The following MFHAS1 variants were observed in gnomAD, a reference collection of about 807,000 sequenced individuals.
MFHAS1 encodes malignant fibrous histiocytoma-amplified sequence 1.
MFHAS1 carries 50 observed loss-of-function variants against 70.4 expected under a neutral mutation model. The observed-to-expected ratio is 0.71, with a 90% CI of 0.57 to 0.90. MFHAS1 has a LOEUF of 0.90. MFHAS1 is among the 40% of genes least tolerant of loss of function. The pLI, the probability that MFHAS1 is intolerant of heterozygous loss-of-function variation, is 0.00. For missense variants in MFHAS1, 1,795 were observed against 1,347.6 expected (o/e 1.33, Z -5.20); for synonymous variants, 952 against 620.0 (o/e 1.54, Z -7.96).
intron 2 of MFHAS1, among the ~76,000 whole-genome samples, chr8:8,787,121 C>T (rs111814466): frequency 0.096 from 14,481 of 150,174 alleles, 1,847 homozygotes; most frequent in African/African-American, 0.29. Context: ...CGCTCTGTTG[C>T]CCAGGCTGGA....
Position 8,877,788 on chromosome 8 carries a change from T to A in MFHAS1, c.2998+12273A>T, listed in dbSNP as rs886644165. ...CCAGCCCAATGACAAAGGGACAGGC[T>A]AGAACAATGCTTTTAAAACTCTAGT... On this transcript the variant is annotated intron_variant, in intron 1 of 2. Transcript: ENST00000276282. Among the ~76,000 whole-genome samples the A allele has an allele frequency of 3.9e-5, 6 of 152,332 alleles. No homozygotes were observed. In the East Asian group the frequency reaches 1.2e-3, roughly 29 times the overall value.
At chr8:8,867,847 G>A (rs551141489) in intron 1 of MFHAS1, among the ~76,000 whole-genome samples, 3 of 152,186 alleles carry the variant, frequency 2.0e-5, no homozygotes, top group African/African-American at 2.4e-5. Context: ...GTGAGCCACC[G>A]TGCCTGGCCA....
At chr8:8,884,891 T>G (rs984867524) in intron 1 of MFHAS1, among the ~76,000 whole-genome samples, 1 of 152,100 alleles carries the variant, frequency 6.6e-6, no homozygotes, top group African/African-American at 2.4e-5. Flanking sequence ...AGGTCGAGGC[T>G]GCAGTAAGCC....
At position 8,892,188 on chromosome 8, in the gene MFHAS1, C is replaced by T. The variant is rs1810085291; in HGVS notation, c.871G>A (p.Ala291Thr). The change falls in exon 1 of 3, where the codon GCG becomes ACG. Residue 291 changes from alanine to threonine, a missense_variant. By Grantham distance (58) the Ala-to-Thr change is moderately conservative. Transcript: ENST00000276282. This position sits in a 1 kb window ranked among gnomAD's most constrained non-coding sequence, Gnocchi z 4.7. Reference protein sequence around the residue: ...SSNLFEEFPAALLPLAGLEEL... With the variant: ...SSNLFEEFPATLLPLAGLEEL... ...TCCAGACCAGCCAGGGGCAGCAGCG[C>T]GGCAGGGAACTCCTCGAAGAGGTTG... is the stretch of plus-strand genomic sequence containing the variant. 2.5e-6 allele frequency: 4 copies of T among 1,609,906 alleles called. No individual in the cohort carries two copies. The highest frequency in any genetic ancestry group is 1.7e-5 in the Admixed American group (1 of 59,992).
chr8:8,839,216 T>G (rs1353779379), intron 1 of MFHAS1, among the ~76,000 whole-genome samples: 1 of 152,164 alleles, frequency 6.6e-6, no homozygotes, highest in Admixed American at 6.5e-5. Context: ...AAAGACTTGC[T>G]GCAAAAACTG....
intron 1 of MFHAS1, among the ~76,000 whole-genome samples, chr8:8,830,870 T>G (rs1179334632): frequency 6.6e-6 from 1 of 152,210 alleles, no homozygotes; most frequent in Non-Finnish European, 1.5e-5. Flanking sequence ...GTGCTGGGAT[T>G]ACAGGCATGA....
At chr8:8,822,886 G>T (rs989425173) in intron 1 of MFHAS1, among the ~76,000 whole-genome samples, 1 of 152,188 alleles carries the variant, frequency 6.6e-6, no homozygotes, top group African/African-American at 2.4e-5. Flanking sequence ...GACCAAGTCA[G>T]GGAAACTGAG....
intron 1 of MFHAS1, among the ~76,000 whole-genome samples, chr8:8,805,860 G>T (rs1245202516): frequency 1.3e-5 from 2 of 151,540 alleles, no homozygotes; most frequent in South Asian, 4.2e-4. Context: ...ACCATGACTG[G>T]CTAATTTTTG....
chr8:8,835,049 C>CA (rs1336087884), intron 1 of MFHAS1, among the ~76,000 whole-genome samples: 1 of 152,022 alleles, frequency 6.6e-6, no homozygotes, highest in East Asian at 1.9e-4. Flanking sequence ...AAACCAGACA[C>CA]AAAAAAAGTA....
intron 2 of MFHAS1, among the ~76,000 whole-genome samples, chr8:8,787,929 C>G (rs1805608086): frequency 1.3e-5 from 2 of 152,200 alleles, no homozygotes; most frequent in Admixed American, 1.3e-4. Flanking sequence ...CATTTGGGAT[C>G]TTAGAGAAAA....
Position 8,891,592 on chromosome 8 carries a change from G to C in MFHAS1, c.1467C>G (p.Pro489=). Residue 489 remains proline (P), a synonymous_variant, in exon 1 of 3, where the codon CCC becomes CCG. Coordinates refer to ENST00000276282, the MANE Select transcript of MFHAS1 (RefSeq NM_004225.3). This position sits in a 1 kb window ranked among gnomAD's most constrained non-coding sequence, Gnocchi z 5.4. The part of the protein sequence containing the change: ...AGDESYEVIQ[P]FFLSPGALYV... ...ATAGGGCCCCTGGGGACAGGAAGAA[G>C]GGCTGGATCACCTCATAACTTTCAT... 6.2e-7 allele frequency: 1 copy of C among 1,613,450 alleles called. No individual in the cohort carries two copies. The highest frequency in any genetic ancestry group is 8.5e-7 in the Non-Finnish European group (1 of 1,180,042).
chr8:8,856,156 G>C (rs766604120), intron 1 of MFHAS1, among the ~76,000 whole-genome samples: 2 of 152,218 alleles, frequency 1.3e-5, no homozygotes, highest in Non-Finnish European at 2.9e-5. Context: ...CTGAAAGTAA[G>C]ATCTGGGGCC....
At position 8,890,239 on chromosome 8, in the gene MFHAS1, G is replaced by A. The variant is rs1205471348; in HGVS notation, c.2820C>T (p.Thr940=). The A allele has an allele frequency of 1.9e-6, 3 of 1,614,000 alleles. No homozygotes were observed. Among genetic ancestry groups the A allele is most frequent in the South Asian group, 2.2e-5 (2 of 91,084 alleles). Residue 940 remains threonine, a synonymous_variant, in exon 1 of 3, where the codon ACC becomes ACT. Coordinates refer to ENST00000276282, the MANE Select transcript of MFHAS1 (RefSeq NM_004225.3). ...RPARGVLQPD[T]LSIASHASLP... is the part of the protein sequence containing the mutation. ...ATGATGCATGGCTAGCAATGGACAG[G>A]GTGTCTGGCTGCAGGACTCCCCTGG...
chr8:8,854,015 T>C (rs183992489), intron 1 of MFHAS1, among the ~76,000 whole-genome samples: 10 of 152,384 alleles, frequency 6.6e-5, no homozygotes, highest in Admixed American at 2.0e-4. Flanking sequence ...TTTGTCTTAG[T>C]TGTGTTCACA....
At chr8:8,807,914 C>T (rs1343743078) in intron 1 of MFHAS1, among the ~76,000 whole-genome samples, 1 of 152,176 alleles carries the variant, frequency 6.6e-6, no homozygotes, top group Non-Finnish European at 1.5e-5. Context: ...TACAGTGGTC[C>T]CCCATCATCT....
intron 1 of MFHAS1, among the ~76,000 whole-genome samples, chr8:8,876,513 C>T (rs982785495): frequency 6.6e-6 from 1 of 151,962 alleles, no homozygotes; most frequent in Admixed American, 6.6e-5. Flanking sequence ...GGCAGGCAGA[C>T]TGCCTCAGGT....
chr8:8,784,968 A>T lies in MFHAS1; in HGVS notation c.*1054T>A, dbSNP rs1805484685. On this transcript the variant is annotated 3_prime_UTR_variant, in exon 3 of 3. Coordinates refer to ENST00000276282, the MANE Select transcript of MFHAS1 (RefSeq NM_004225.3). ...CGTGTGGGATTATGCTCTCCAGTGA[A>T]TGTAACTGGAGCCTAAATTCACAAC... 6.6e-6 allele frequency: 1 copy of T among 152,188 alleles called. No homozygotes were observed. Among genetic ancestry groups the T allele is most frequent in the Admixed American group, 6.5e-5 (1 of 15,278 alleles). 9.4% of individuals were successfully genotyped at this position (152,188 alleles called of 1,614,324 possible).
At chr8:8,873,128 T>C (rs990657929) in intron 1 of MFHAS1, among the ~76,000 whole-genome samples, 2 of 152,246 alleles carry the variant, frequency 1.3e-5, no homozygotes, top group African/African-American at 4.8e-5. Context: ...AGTGTTCTTT[T>C]GGAAAATTCA....
At position 8,797,424 on chromosome 8, in the gene MFHAS1, C is replaced by A; in HGVS notation, c.3066G>T (p.Glu1022Asp). ...AEIICPKNGS[E>D]RVNVALVYPP... ...GGTAAACCAAGGCAACATTTACTCGCTCGCTGCCGTTCTTGGGGCAAATGA... is the reference window on the plus strand; with the variant it reads ...GGTAAACCAAGGCAACATTTACTCGATCGCTGCCGTTCTTGGGGCAAATGA... Residue 1022 changes from glutamate (E) to aspartate (D), a missense_variant, in exon 2 of 3, where the codon GAG becomes GAT. Transcript: ENST00000276282. 1 of 1,614,142 alleles carries A rather than the reference C, an allele frequency of 6.2e-7. No individual in the cohort carries two copies. Among genetic ancestry groups the A allele is most frequent in the African/African-American group, 1.3e-5 (1 of 75,036 alleles).
Sources: gnomAD v4.1 joint callset for allele counts (sites outside exome capture counted in the v4.1 genomes callset) on GRCh38, gnomAD v4.1.1 for gene constraint, Gnocchi (gnomAD v3.1) non-coding constraint, MANE v1.5 for transcripts, NCBI Gene and HGNC (gene_info 2026-07-23, HGNC 2026-07-21) for gene names.